The following ITGAD variants were observed in gnomAD, a reference collection of about 807,000 sequenced individuals.
ITGAD encodes integrin alpha-D.
A neutral mutation model predicts 139.0 loss-of-function variants in ITGAD; 105 were observed. The ratio of observed to expected loss-of-function variants is 0.76; its 90% CI spans 0.65 to 0.89. The LOEUF (loss-of-function observed/expected upper bound fraction) is 0.89. Among genes scored for constraint, ITGAD ranks in the 40% least tolerant of loss-of-function variants. The pLI, the probability that ITGAD is intolerant of heterozygous loss-of-function variation, is 0.00. For missense variants in ITGAD, 1,384 were observed against 1,487.3 expected (o/e 0.93, Z 1.14); for synonymous variants, 569 against 598.3 (o/e 0.95, Z 0.71).
Position 31,402,199 on chromosome 16 carries a change from GC to G in ITGAD, c.513del (p.Phe172LeufsTer18), listed in dbSNP as rs755195802. ...IDQNDFNQMK[G>X]FVQAVMGQFE... ...CAAAATGACTTTAACCAGATGAAGG[GC>G]TTTGTCCAAGCTGTCATGGGCCAGT... is the stretch of plus-strand genomic sequence containing the variant. On this transcript the variant is annotated frameshift_variant, in exon 6 of 30. Coordinates refer to ENST00000389202, the MANE Select transcript of ITGAD (RefSeq NM_005353.3). LOFTEE classifies it high-confidence loss of function. The G allele has an allele frequency of 4.3e-6, 7 of 1,612,284 alleles. No homozygotes were observed. In the African/African-American group the frequency reaches 9.3e-5, roughly 22 times the overall value.
chr16:31,405,640 C>CTTTTTTTT (rs569550173), intron 7 of ITGAD, among the ~76,000 whole-genome samples: 7 of 104,012 alleles, frequency 6.7e-5, no homozygotes, highest in Non-Finnish European at 1.1e-4. Flanking sequence ...TTTTGTTTTC[C>CTTTTTTTT]TTTTTTTTTT....
intron 2 of ITGAD, 63 bp downstream of exon 2, chr16:31,394,404 G>A (rs1045080927): frequency 4.6e-6 from 6 of 1,294,092 alleles, no homozygotes; most frequent in African/African-American, 1.5e-5. Flanking sequence ...ATGGGTACAC[G>A]TGGGTTACCC....
Position 31,414,559 on chromosome 16 carries a change from C to T in ITGAD, c.2105C>T (p.Thr702Ile). Residue 702 changes from threonine (T) to isoleucine (I), a missense_variant, in exon 17 of 30, where the codon ACC becomes ATC. Physicochemically the swap from Thr to Ile is moderately conservative, Grantham distance 89. Transcript: ENST00000389202. ...AACCCCACTTTGACTCGAAGAAAAA[C>T]CCTGGGACTGGGGATTCACTGTGAA... The part of the protein sequence containing the change: ...TKNPTLTRRK[T>I]LGLGIHCETL... 2 of 1,614,218 alleles carry T rather than the reference C, an allele frequency of 1.2e-6. No individual in the cohort carries two copies. Among genetic ancestry groups the T allele is most frequent in the Non-Finnish European group, 1.7e-6 (2 of 1,180,038 alleles).
In ITGAD at chr16:31,402,146, C is replaced by T. The variant is rs1027637563; in HGVS notation, c.459C>T (p.Phe153=). The T allele has an allele frequency of 1.2e-6, 2 of 1,613,906 alleles. No individual in the cohort carries two copies. The highest frequency in any genetic ancestry group is 1.7e-6 in the Non-Finnish European group (2 of 1,179,922). ...CACATCAAGAGATGGACATCGTCTT[C>T]CTGATTGACGGCTCTGGAAGCATTG... ...ECPHQEMDIV[F]LIDGSGSIDQ... is the part of the protein sequence containing the mutation. The change falls in exon 6 of 30, where the codon TTC becomes TTT. Residue 153 remains phenylalanine (F), a synonymous_variant. Coordinates refer to ENST00000389202, the MANE Select transcript of ITGAD (RefSeq NM_005353.3).
intron 28 of ITGAD, 120 bp downstream of exon 28, chr16:31,424,323 C>T (rs1597168617): frequency 1.5e-6 from 2 of 1,327,466 alleles, no homozygotes; most frequent in Non-Finnish European, 2.2e-6. Flanking sequence ...CTGGGCAGGA[C>T]AGCTGTCCCT....
chr16:31,415,865 T>G (rs2081872575), intron 18 of ITGAD, among the ~76,000 whole-genome samples: 1 of 152,180 alleles, frequency 6.6e-6, no homozygotes, highest in Non-Finnish European at 1.5e-5. Context: ...GTAGTTTCTT[T>G]GAGCATAGGA....
At chr16:31,414,630 G>C (rs1266890229) in intron 17 of ITGAD, 25 bp downstream of exon 17, 6 of 1,612,952 alleles carry the variant, frequency 3.7e-6, no homozygotes, top group Non-Finnish European at 5.1e-6. Flanking sequence ...TTCTGGGAAG[G>C]GGGAGAGAGG....
Position 31,416,556 on chromosome 16 carries a change from T to C in ITGAD, c.2409T>C (p.Thr803=), listed in dbSNP as rs2081890941. 2.5e-6 allele frequency: 4 copies of C among 1,613,776 alleles called. No individual in the cohort carries two copies. Among genetic ancestry groups the C allele is most frequent in the African/African-American group, 1.3e-5 (1 of 74,926 alleles). The change falls in exon 20 of 30, where the codon ACT becomes ACC. Residue 803 remains threonine (T), a synonymous_variant. Transcript: ENST00000389202. ...GSSLELNVIV[T]VWNAGEDSYG... The stretch of plus-strand genomic sequence containing the variant: ...CCCTGGAGCTCAACGTGATTGTGAC[T>C]GTGTGGAACGCAGGTGAGGATTCCT...
rs571262251 is a variant in ITGAD, at chr16:31,407,978, G to A, written c.1009+62G>A. ...GTCCCCACCCAATTGTCCCGTGCAG[G>A]CTTTTTTTTTTTGAGATGGAGTCTC... is the stretch of plus-strand genomic sequence containing the variant. On this transcript the variant is annotated intron_variant, in intron 9 of 29. Transcript: ENST00000389202. 35 of 1,486,512 alleles carry A rather than the reference G, an allele frequency of 2.4e-5. No homozygotes were observed. The South Asian group carries it at 4.5e-4, about 19-fold the overall frequency. The allele number at this position is 1,486,512 out of a possible 1,614,324, so 92.1% of individuals were successfully genotyped here.
chr16:31,398,670 G>T (rs2454910), intron 5 of ITGAD, among the ~76,000 whole-genome samples: 1 of 151,932 alleles, frequency 6.6e-6, no homozygotes, highest in African/African-American at 2.4e-5. Flanking sequence ...TTTTTGTAGA[G>T]ATGGGGGTCT....
chr16:31,417,616 G>C (rs188267776), intron 20 of ITGAD, among the ~76,000 whole-genome samples: 77 of 151,390 alleles, frequency 5.1e-4, no homozygotes, highest in African/African-American at 1.8e-3. Context: ...TTTTGTATGG[G>C]TCAATTTTCC....
chr16:31,395,943 C>G (rs28459546), intron 2 of ITGAD, among the ~76,000 whole-genome samples: 7,600 of 152,126 alleles, frequency 0.05, 633 homozygotes, highest in African/African-American at 0.17. Context: ...AGGCACCAGG[C>G]TTTTGTTTTT....
chr16:31,410,562 G>C (rs897063679), intron 11 of ITGAD, 38 bp downstream of exon 11: 3 of 1,577,122 alleles, frequency 1.9e-6, no homozygotes, highest in Admixed American at 3.4e-5. Context: ...GGTTGGAGAT[G>C]CACTGCCCAG....
At position 31,410,812 on chromosome 16, in the gene ITGAD, G is replaced by A. The variant is rs1370627423; in HGVS notation, c.1290G>A (p.Gly430=). ...GGGCCCCCCGCTACCAGCATACCGG[G>A]AAGGCTGTCATCTTCACCCAGGTGT... ...VLGAPRYQHT[G]KAVIFTQVSR... is the part of the protein sequence containing the mutation. The change falls in exon 12 of 30, where the codon GGG becomes GGA. Residue 430 remains glycine (G), a synonymous_variant. Transcript: ENST00000389202. 8 of 1,613,724 alleles carry A rather than the reference G, an allele frequency of 5.0e-6. No homozygotes were observed. Among genetic ancestry groups the A allele is most frequent in the Non-Finnish European group, 6.8e-6 (8 of 1,179,946 alleles).
rs2081422436 is a variant in ITGAD, at chr16:31,402,139, T to C, written c.452T>C (p.Ile151Thr). 1 of 1,613,982 alleles carries C rather than the reference T, an allele frequency of 6.2e-7. No individual in the cohort carries two copies. Among genetic ancestry groups the C allele is most frequent in the Non-Finnish European group, 8.5e-7 (1 of 1,179,864 alleles). ...GAGTGTCCACATCAAGAGATGGACA[T>C]CGTCTTCCTGATTGACGGCTCTGGA... ...TPECPHQEMD[I>T]VFLIDGSGSI... The change falls in exon 6 of 30, where the codon ATC (isoleucine) becomes ACC (threonine). Residue 151 changes from isoleucine to threonine, a missense_variant. Physicochemically the swap from Ile to Thr is moderately conservative, Grantham distance 89. Transcript: ENST00000389202.
intron 2 of ITGAD, among the ~76,000 whole-genome samples, chr16:31,394,821 G>A (rs1208814222): frequency 6.6e-6 from 1 of 152,190 alleles, no homozygotes; most frequent in African/African-American, 2.4e-5. Context: ...ACAGGTGCAT[G>A]CCATCATGCC....
intron 4 of ITGAD, 44 bp downstream of exon 4, chr16:31,397,710 G>T (rs2081305150): frequency 1.3e-6 from 2 of 1,489,888 alleles, no homozygotes; most frequent in East Asian, 2.3e-5. Context: ...GTGGGGCGGG[G>T]GGTGTTGTTG....
At chr16:31,395,031 G>A (rs1296895952) in intron 2 of ITGAD, among the ~76,000 whole-genome samples, 5 of 152,128 alleles carry the variant, frequency 3.3e-5, no homozygotes, top group Non-Finnish European at 5.9e-5. Context: ...AAGAATGATG[G>A]CAGGGCTGGG....
At chr16:31,410,258 C>A in intron 10 of ITGAD, 137 bp from the exon 11 acceptor site, 1 of 1,186,604 alleles carries the variant, frequency 8.4e-7, no homozygotes, top group Non-Finnish European at 1.2e-6. Flanking sequence ...GGCAGAGGCA[C>A]AGAGGCTGCT....
Sources: allele counts gnomAD v4.1 joint callset (sites outside exome capture counted in the v4.1 genomes callset), GRCh38; gene constraint gnomAD v4.1.1; transcripts MANE v1.5; gene names NCBI Gene and HGNC (gene_info 2026-07-23, HGNC 2026-07-21).